Variants in SVEP1 observed in about 807,000 individuals in gnomAD.
SVEP1 encodes sushi, von Willebrand factor type A, EGF and pentraxin domain containing 1.
SVEP1 carries 164 observed loss-of-function variants against 367.3 expected under a neutral mutation model. The ratio of observed to expected loss-of-function variants is 0.45; its 90% CI spans 0.39 to 0.51. The LOEUF (loss-of-function observed/expected upper bound fraction) is 0.51, where lower values mean the gene tolerates loss of function less well. Ranked by LOEUF, SVEP1 falls within the 20% of genes least tolerant of loss-of-function variation. SVEP1 has a pLI of 0.00. For synonymous variants in SVEP1, 1,666 were observed against 1,611.6 expected (o/e 1.03, Z -0.81); for missense variants, 4,117 against 4,425.3 (o/e 0.93, Z 1.98).
In SVEP1 at chr9:110,404,325, A is replaced by G; in HGVS notation, c.9666+2T>C. ...CACATTCTAATTAAGACAGAATCTTACCTGACATACTGATATGTTAACTCC... is the reference window on the plus strand; with the variant it reads ...CACATTCTAATTAAGACAGAATCTTGCCTGACATACTGATATGTTAACTCC... On this transcript the variant is annotated splice_donor_variant, in intron 39 of 47. Transcript: ENST00000374469. LOFTEE classifies it high-confidence loss of function. The G allele has an allele frequency of 6.2e-7, 1 of 1,613,784 alleles. No homozygotes were observed. The highest frequency in any genetic ancestry group is 8.5e-7 in the Non-Finnish European group (1 of 1,179,740).
At chr9:110,441,982 A>C (rs982097970) in intron 27 of SVEP1, among the ~76,000 whole-genome samples, 1 of 152,202 alleles carries the variant, frequency 6.6e-6, no homozygotes, top group African/African-American at 2.4e-5. Flanking sequence ...CTCTACCTGC[A>C]TGCCTTGCCT....
intron 36 of SVEP1, among the ~76,000 whole-genome samples, chr9:110,413,823 A>C (rs1250434065): frequency 6.6e-6 from 1 of 152,022 alleles, no homozygotes; most frequent in East Asian, 1.9e-4. Flanking sequence ...AGTTTTGAAA[A>C]AATCTCTAAT....
At chr9:110,544,852 A>ACTACAGTCACCCT (rs1830198443) in intron 3 of SVEP1, among the ~76,000 whole-genome samples, 4 of 152,066 alleles carry the variant, frequency 2.6e-5, no homozygotes, top group Admixed American at 1.3e-4. Context: ...AGTGTTATGG[A>ACTACAGTCACCCT]ACATTAAAAC....
intron 9 of SVEP1, among the ~76,000 whole-genome samples, 155 bp from the exon 10 acceptor site, chr9:110,483,848 CT>C (rs1235419381): frequency 6.6e-6 from 1 of 152,206 alleles, no homozygotes; most frequent in African/African-American, 2.4e-5. Context: ...TATCTTTTCC[CT>C]GATCCCCAAC....
chr9:110,386,646 A>C (rs1434494295), intron 42 of SVEP1, among the ~76,000 whole-genome samples: 1 of 152,108 alleles, frequency 6.6e-6, no homozygotes, highest in African/African-American at 2.4e-5. Flanking sequence ...TATAGGCCCG[A>C]GGGAAACACA....
intron 1 of SVEP1, among the ~76,000 whole-genome samples, chr9:110,560,249 T>C (rs1238875207): frequency 6.6e-6 from 1 of 152,228 alleles, no homozygotes; most frequent in Non-Finnish European, 1.5e-5. Context: ...GGCTATTCCA[T>C]ATAGCCTAGG....
At chr9:110,446,134 G>T in intron 25 of SVEP1, 96 bp from the exon 26 acceptor site, 1 of 1,100,046 alleles carries the variant, frequency 9.1e-7, no homozygotes, top group Non-Finnish European at 1.3e-6. Flanking sequence ...GCTCATTTCA[G>T]TGAATATGAT....
chr9:110,512,812 TA>T, intron 5 of SVEP1, 113 bp downstream of exon 5: 4 of 1,222,640 alleles, frequency 3.3e-6, no homozygotes, highest in Middle Eastern at 3.8e-4. Context: ...CTTTCTGTAG[TA>T]TGGGGTCTAT....
chr9:110,530,955 G>C (rs1830010976), intron 3 of SVEP1, among the ~76,000 whole-genome samples: 1 of 152,002 alleles, frequency 6.6e-6, no homozygotes, highest in Non-Finnish European at 1.5e-5. Context: ...TAGTATAAAT[G>C]GAACTTTATC....
chr9:110,439,454 C>T (rs980202507), intron 27 of SVEP1, among the ~76,000 whole-genome samples: 19 of 152,014 alleles, frequency 1.2e-4, no homozygotes, highest in Admixed American at 1.1e-3. Flanking sequence ...AGTGCAGTGG[C>T]GCAATCTCAC....
chr9:110,571,666 T>C (rs953742885), intron 1 of SVEP1, among the ~76,000 whole-genome samples: 1 of 152,240 alleles, frequency 6.6e-6, no homozygotes, highest in African/African-American at 2.4e-5. Context: ...CCAGCTAAGC[T>C]ACTCCTAGCC....
At chr9:110,414,937 T>C (rs1483259667) in intron 36 of SVEP1, among the ~76,000 whole-genome samples, 1 of 151,990 alleles carries the variant, frequency 6.6e-6, no homozygotes, top group Non-Finnish European at 1.5e-5. Flanking sequence ...AAGGAAAAAT[T>C]TAATTAGGAT....
chr9:110,545,564 A>G (rs1181178359), intron 3 of SVEP1, among the ~76,000 whole-genome samples: 1 of 152,154 alleles, frequency 6.6e-6, no homozygotes, highest in East Asian at 1.9e-4. Context: ...GCATTTTTTT[A>G]TGTGTAAATC....
At chr9:110,429,844 C>G in intron 34 of SVEP1, 76 bp downstream of exon 34, 1 of 1,249,076 alleles carries the variant, frequency 8.0e-7, no homozygotes, top group Non-Finnish European at 1.1e-6. Context: ...TTCCCACCCC[C>G]TTTCTTTCAG....
At chr9:110,456,675 C>T (rs1182795401) in intron 21 of SVEP1, among the ~76,000 whole-genome samples, 1 of 152,044 alleles carries the variant, frequency 6.6e-6, no homozygotes, top group Non-Finnish European at 1.5e-5. Context: ...AAATTAATTG[C>T]AATTTTAAGG....
At chr9:110,446,354 A>C (rs1456506315) in intron 25 of SVEP1, among the ~76,000 whole-genome samples, 1 of 152,160 alleles carries the variant, frequency 6.6e-6, no homozygotes, top group Non-Finnish European at 1.5e-5. Context: ...TGCTGATGAG[A>C]ATGACTCAGT....
chr9:110,389,557 T>C lies in SVEP1; in HGVS notation c.9853A>G (p.Arg3285Gly), dbSNP rs189261603. The stretch of plus-strand genomic sequence containing the variant: ...ATTGCCACCCCTCCACTCCACTGTC[T>C]GTTCTCCTGGCAGACACGTTCCCTG... The part of the protein sequence containing the change: ...GNRERVCQEN[R>G]QWSGGVAICK... Residue 3285 changes from arginine (R) to glycine (G), a missense_variant, in exon 41 of 48, where the codon AGA becomes GGA. Transcript: ENST00000374469. 243 of 1,613,818 alleles carry C rather than the reference T, an allele frequency of 1.5e-4. 1 individual carries two copies. The African/African-American group carries it at 2.8e-3, about 18-fold the overall frequency.
At position 110,375,483 on chromosome 9, in the gene SVEP1, A is replaced by AAAAAAAAAC; in HGVS notation, c.10505-21_10505-20insGTTTTTTTT. 1 of 1,508,390 alleles carries AAAAAAAAAC rather than the reference A, an allele frequency of 6.6e-7. No homozygotes were observed. Among genetic ancestry groups the AAAAAAAAAC allele is most frequent in the South Asian group, 1.3e-5 (1 of 78,826 alleles). The allele number at this position is 1,508,390 out of a possible 1,614,324, so 93.4% of individuals were successfully genotyped here. ...AGATTGCTAAAAAAAAAAAAAAAAA[A>AAAAAAAAAC]AAAAAAAGGAGGCAGGGGGGATTGA... On this transcript the variant is annotated intron_variant, in intron 45 of 47. Coordinates refer to ENST00000374469, the MANE Select transcript of SVEP1 (RefSeq NM_153366.4).
intron 3 of SVEP1, among the ~76,000 whole-genome samples, chr9:110,515,580 G>A (rs542455622): frequency 3.9e-5 from 6 of 152,242 alleles, no homozygotes; most frequent in South Asian, 2.1e-4. Flanking sequence ...GATTACAGGC[G>A]TGAGCCACCG....
Sources: gnomAD v4.1 joint callset for allele counts (sites outside exome capture counted in the v4.1 genomes callset) on GRCh38, gnomAD v4.1.1 for gene constraint, MANE v1.5 for transcripts, NCBI Gene and HGNC (gene_info 2026-07-23, HGNC 2026-07-21) for gene names.